The following SIPA1L1 variants were observed in gnomAD, a reference collection of about 807,000 sequenced individuals.
The protein encoded by SIPA1L1 is signal induced proliferation associated 1 like 1, also known as signal-induced proliferation-associated 1-like protein 1.
Under a neutral mutation model 162.7 loss-of-function variants are expected in SIPA1L1, and 26 were observed. The ratio of observed to expected loss-of-function variants is 0.16; its 90% CI spans 0.12 to 0.22. The LOEUF (loss-of-function observed/expected upper bound fraction) is 0.22, where lower values mean the gene tolerates loss of function less well. SIPA1L1 is among the 10% of genes least tolerant of loss of function. The pLI, the probability that SIPA1L1 is intolerant of heterozygous loss-of-function variation, is 1.00. For synonymous variants in SIPA1L1, 829 were observed against 837.4 expected (o/e 0.99, Z 0.17); for missense variants, 1,874 against 2,241.0 (o/e 0.84, Z 3.31).
chr14:71,698,843 G>A, intron 13 of SIPA1L1, 138 bp from the exon 14 acceptor site: 1 of 564,292 alleles, frequency 1.8e-6, no homozygotes. Flanking sequence ...TTCTTTTGTA[G>A]GCTTCCAGCT....
At chr14:71,465,601 C>T (rs2046935765) in intron 2 of SIPA1L1, among the ~76,000 whole-genome samples, 1 of 152,154 alleles carries the variant, frequency 6.6e-6, no homozygotes, top group Non-Finnish European at 1.5e-5. Flanking sequence ...GAAGTAGAGT[C>T]CTTAGCATTT....
In SIPA1L1 at chr14:71,685,850, A is replaced by G. The variant is rs148828084; in HGVS notation, c.3374+219A>G. Among the ~76,000 whole-genome samples, 1,042 of 152,286 alleles carry G rather than the reference A, an allele frequency of 6.8e-3. 9 individuals carry two copies. Among genetic ancestry groups the G allele is most frequent in the Non-Finnish European group, 0.01 (696 of 68,010 alleles). On this transcript the variant is annotated intron_variant, in intron 13 of 23. Coordinates refer to ENST00000381232, the MANE Select transcript of SIPA1L1 (RefSeq NM_001386936.1). ...AAAGCCTTCAGCTCTGCACACTGGT[A>G]TTTGTGCTTTGCTCTTTAATTTCCG...
intron 4 of SIPA1L1, among the ~76,000 whole-genome samples, chr14:71,542,652 C>CCCT (rs1190021024): frequency 4.4e-5 from 4 of 89,926 alleles, no homozygotes; most frequent in African/African-American, 8.0e-5. Flanking sequence ...TTCTTTCTTC[C>CCCT]CCTCCTCCTC....
intron 2 of SIPA1L1, among the ~76,000 whole-genome samples, chr14:71,399,164 A>G (rs1415681480): frequency 1.3e-5 from 2 of 152,212 alleles, no homozygotes; most frequent in Non-Finnish European, 2.9e-5. Flanking sequence ...TGCATATTCA[A>G]GTCCTGTTTC....
intron 2 of SIPA1L1, among the ~76,000 whole-genome samples, chr14:71,437,423 A>G (rs945289486): frequency 1.3e-5 from 2 of 152,166 alleles, no homozygotes; most frequent in African/African-American, 4.8e-5. Flanking sequence ...GCTGGAGTCC[A>G]GTAGCATGAT....
At chr14:71,583,579 G>A (rs921782242) in intron 4 of SIPA1L1, among the ~76,000 whole-genome samples, 5 of 151,416 alleles carry the variant, frequency 3.3e-5, no homozygotes, top group African/African-American at 4.9e-5. Flanking sequence ...TCTTCTTCTT[G>A]TAACCTTTAA....
intron 17 of SIPA1L1, among the ~76,000 whole-genome samples, chr14:71,717,721 C>T (rs2083379148): frequency 6.6e-6 from 1 of 152,194 alleles, no homozygotes; most frequent in Non-Finnish European, 1.5e-5. Context: ...GGGTGCACAT[C>T]CCTTGACGCA....
chr14:71,357,264 T>G (rs34057981), intron 2 of SIPA1L1, among the ~76,000 whole-genome samples: 24,977 of 152,032 alleles, frequency 0.16, 2,650 homozygotes, highest in Middle Eastern at 0.34. Context: ...AAGTTTTTTT[T>G]TGTGTGTGTG....
intron 3 of SIPA1L1, among the ~76,000 whole-genome samples, chr14:71,515,908 C>G (rs1367643818): frequency 6.6e-6 from 1 of 152,202 alleles, no homozygotes; most frequent in African/African-American, 2.4e-5. Context: ...TCCCAGAGTT[C>G]TGGGATTACA....
intron 16 of SIPA1L1, 47 bp downstream of exon 16, chr14:71,705,387 A>T: frequency 7.5e-7 from 1 of 1,326,596 alleles, no homozygotes; most frequent in Non-Finnish European, 1.1e-6. Context: ...CTAGCAGTGT[A>T]CCTTCCTTGC....
chr14:71,673,602 T>TGC (rs2044761404), intron 12 of SIPA1L1, among the ~76,000 whole-genome samples: 1 of 152,158 alleles, frequency 6.6e-6, no homozygotes, highest in Non-Finnish European at 1.5e-5. Context: ...TGTGTGTGTG[T>TGC]GCGTGTGTGT....
rs1324742167 is a variant in SIPA1L1 at position 71,442,648 on chromosome 14, C to T, written c.-464-70095C>T. Among the ~76,000 whole-genome samples, 5 of 152,086 alleles carry T rather than the reference C, an allele frequency of 3.3e-5. No individual in the cohort carries two copies. The East Asian group carries it at 9.6e-4, about 29-fold the overall frequency. On this transcript the variant is annotated intron_variant, in intron 2 of 23. Transcript: ENST00000381232. Reference sequence around the variant, plus strand: ...GATTGTTTAAAGATTTGATGATTGGCTAAGTGTGGTGGCTCATGCCTGTAA... The same window carrying T: ...GATTGTTTAAAGATTTGATGATTGGTTAAGTGTGGTGGCTCATGCCTGTAA...
intron 2 of SIPA1L1, among the ~76,000 whole-genome samples, chr14:71,327,701 T>G (rs547438746): frequency 6.6e-6 from 1 of 152,204 alleles, no homozygotes; most frequent in African/African-American, 2.4e-5. Context: ...TTTTAAAGAC[T>G]TTTCAGAAAC....
At chr14:71,664,034 G>A (rs2043778661) in intron 10 of SIPA1L1, among the ~76,000 whole-genome samples, 1 of 152,224 alleles carries the variant, frequency 6.6e-6, no homozygotes, top group African/African-American at 2.4e-5. Context: ...CCTCAGGTAT[G>A]TGGTGATGTC....
chr14:71,528,951 A>G (rs1354270475), intron 3 of SIPA1L1, among the ~76,000 whole-genome samples: 1 of 152,068 alleles, frequency 6.6e-6, no homozygotes, highest in Non-Finnish European at 1.5e-5. Flanking sequence ...CGTCTCTACT[A>G]AAAATACAAA....
chr14:71,650,780 G>A (rs2042557669), intron 8 of SIPA1L1, among the ~76,000 whole-genome samples: 1 of 152,174 alleles, frequency 6.6e-6, no homozygotes, highest in Admixed American at 6.5e-5. Flanking sequence ...GCTCCTGGGT[G>A]AGCATTGTGT....
chr14:71,557,213 G>T (rs963934281), intron 4 of SIPA1L1, among the ~76,000 whole-genome samples: 1 of 152,054 alleles, frequency 6.6e-6, no homozygotes, highest in Non-Finnish European at 1.5e-5. Flanking sequence ...TGTATTTATG[G>T]TATTTTTTAA....
At chr14:71,512,280 G>A (rs888202401) in intron 2 of SIPA1L1, among the ~76,000 whole-genome samples, 1 of 152,012 alleles carries the variant, frequency 6.6e-6, no homozygotes, top group Non-Finnish European at 1.5e-5. Context: ...CTCATCAACT[G>A]GGTTTTACTT....
chr14:71,701,809 C>CTA (rs2082118215), intron 14 of SIPA1L1, among the ~76,000 whole-genome samples: 2 of 152,164 alleles, frequency 1.3e-5, no homozygotes, highest in African/African-American at 2.4e-5. Context: ...TTGCCCTTCC[C>CTA]AAAGGCAGTT....
Sources: allele counts gnomAD v4.1 joint callset (sites outside exome capture counted in the v4.1 genomes callset), GRCh38; gene constraint gnomAD v4.1.1; transcripts MANE v1.5; gene names NCBI Gene and HGNC (gene_info 2026-07-23, HGNC 2026-07-21).